The following IGSF21 variants were observed in gnomAD, a reference collection of about 807,000 sequenced individuals.
IGSF21 encodes immunoglobulin superfamily member 21.
In IGSF21, 28 loss-of-function variants were observed where a neutral mutation model predicts 46.8. The observed-to-expected ratio is 0.60, with a 90% confidence interval of 0.44 to 0.82. The LOEUF (loss-of-function observed/expected upper bound fraction) is 0.82, where lower values mean the gene tolerates loss of function less well. Among genes scored for constraint, IGSF21 ranks in the 40% least tolerant of loss-of-function variants. The pLI is 0.00. For missense variants in IGSF21, 624 were observed against 665.5 expected (o/e 0.94, Z 0.69); for synonymous variants, 284 against 273.6 (o/e 1.04, Z -0.38).
At chr1:18,128,457 G>A (rs1228564291) in intron 1 of IGSF21, among the ~76,000 whole-genome samples, 1 of 152,166 alleles carries the variant, frequency 6.6e-6, no homozygotes, top group Non-Finnish European at 1.5e-5. Flanking sequence ...TTCCTTCCCT[G>A]GATGGGGCCT....
chr1:18,231,257 C>T (rs2084623472), intron 2 of IGSF21, among the ~76,000 whole-genome samples: 1 of 152,202 alleles, frequency 6.6e-6, no homozygotes, highest in Non-Finnish European at 1.5e-5. Flanking sequence ...TGTCAGAAAA[C>T]ATCATGAATG....
At position 18,343,342 on chromosome 1, in the gene IGSF21, G is replaced by A. The variant is rs545183746; in HGVS notation, c.424+8332G>A. On this transcript the variant is annotated intron_variant, in intron 4 of 9. Coordinates refer to ENST00000251296, the MANE Select transcript of IGSF21 (RefSeq NM_032880.5). ...TAAGAGTTCTCTATCTGACCTACAT[G>A]TAAGTCCCTTATCAGGTGTATCATC... is the stretch of plus-strand genomic sequence containing the variant. Among the ~76,000 whole-genome samples the A allele has an allele frequency of 6.6e-5, 10 of 152,276 alleles. No individual in the cohort carries two copies. In the South Asian group the frequency reaches 1.2e-3, roughly 19 times the overall value.
Position 18,180,563 on chromosome 1 carries a change from G to A in IGSF21, c.71-47335G>A, listed in dbSNP as rs769103124. 3.1e-4 allele frequency among the ~76,000 whole-genome samples: 47 copies of A among 152,328 alleles called. 1 individual carries two copies. Among genetic ancestry groups the A allele is most frequent in the Middle Eastern group, 3.4e-3 (1 of 294 alleles). ...GTTTGAGCAAAAAAGTGGTTTGGAA[G>A]GCGCAGTTATGGAAGGATGAGGGAA... is the stretch of plus-strand genomic sequence containing the variant. On this transcript the variant is annotated intron_variant, in intron 1 of 9. Coordinates refer to ENST00000251296, the MANE Select transcript of IGSF21 (RefSeq NM_032880.5).
rs201533400 is a variant in IGSF21, at chr1:18,376,804, A to G, written c.1106A>G (p.Glu369Gly). The G allele has an allele frequency of 1.9e-4, 304 of 1,587,870 alleles. No individual in the cohort carries two copies. The highest frequency in any genetic ancestry group is 2.4e-4 in the Non-Finnish European group (277 of 1,161,796). ...CTCCCCTGATCTGGCCAACAGAACG[A>G]AGTCTTCCCGGAGCCCATGTTCACG... The part of the protein sequence containing the change: ...VRILVHGFQN[E>G]VFPEPMFTWT... Residue 369 changes from glutamate to glycine, a missense_variant, in exon 8 of 10, where the codon GAA becomes GGA. Physicochemically the swap from Glu to Gly is moderately conservative, Grantham distance 98 (BLOSUM62 -2). Coordinates refer to ENST00000251296, the MANE Select transcript of IGSF21 (RefSeq NM_032880.5).
At chr1:18,144,864 C>T (rs1301027350) in intron 1 of IGSF21, among the ~76,000 whole-genome samples, 4 of 152,114 alleles carry the variant, frequency 2.6e-5, no homozygotes. Flanking sequence ...TCTATTTCCC[C>T]ATTTGCCACA....
At chr1:18,232,690 C>A (rs1461038815) in intron 2 of IGSF21, among the ~76,000 whole-genome samples, 1 of 152,174 alleles carries the variant, frequency 6.6e-6, no homozygotes, top group Non-Finnish European at 1.5e-5. Flanking sequence ...TGCCCCTGGA[C>A]CATGACTATC....
chr1:18,362,337 G>T, intron 5 of IGSF21, 107 bp downstream of exon 5: 1 of 788,758 alleles, frequency 1.3e-6, no homozygotes. Context: ...GGAGTGGTTG[G>T]CCAGGGCTGA....
At chr1:18,318,269 T>C (rs1013901881) in intron 3 of IGSF21, among the ~76,000 whole-genome samples, 3 of 152,136 alleles carry the variant, frequency 2.0e-5, no homozygotes, top group African/African-American at 7.2e-5. Context: ...GTTATTTCCT[T>C]CCTTATTCTC....
intron 1 of IGSF21, among the ~76,000 whole-genome samples, chr1:18,171,164 A>C (rs1336145466): frequency 6.6e-6 from 1 of 152,112 alleles, no homozygotes; most frequent in Non-Finnish European, 1.5e-5. Flanking sequence ...GTAAGCCCTC[A>C]AGATGCCTTC....
At chr1:18,162,829 C>T (rs2086640031) in intron 1 of IGSF21, among the ~76,000 whole-genome samples, 2 of 152,120 alleles carry the variant, frequency 1.3e-5, no homozygotes, top group Non-Finnish European at 2.9e-5. Flanking sequence ...ACCGTATTCA[C>T]CCTCTAAACC....
chr1:18,184,670 T>A lies in IGSF21; in HGVS notation c.71-43228T>A, dbSNP rs528544418. On this transcript the variant is annotated intron_variant, in intron 1 of 9. Transcript: ENST00000251296. ...ACCAACAAAACAACCCAAGCTTTTG[T>A]GGGTATCCTGCCTCTTTACCTGTGT... 5.9e-5 allele frequency among the ~76,000 whole-genome samples: 9 copies of A among 152,198 alleles called. No individual in the cohort carries two copies. The South Asian group carries it at 1.9e-3, about 32-fold the overall frequency.
chr1:18,294,889 G>A (rs535598378), intron 3 of IGSF21, among the ~76,000 whole-genome samples: 17 of 152,376 alleles, frequency 1.1e-4, no homozygotes, highest in Admixed American at 6.5e-4. Context: ...CAGGGCTGGC[G>A]ACGGGGCGCG....
intron 1 of IGSF21, among the ~76,000 whole-genome samples, chr1:18,196,134 G>C (rs1324394886): frequency 6.6e-6 from 1 of 152,176 alleles, no homozygotes; most frequent in Non-Finnish European, 1.5e-5. Context: ...TTGACAGTAG[G>C]GTTGAGGAGG....
At chr1:18,307,805 T>C (rs577797965) in intron 3 of IGSF21, among the ~76,000 whole-genome samples, 36 of 152,290 alleles carry the variant, frequency 2.4e-4, no homozygotes, top group African/African-American at 7.5e-4. Flanking sequence ...TAAGCTGCGG[T>C]GAGGGCTGTA....
intron 1 of IGSF21, among the ~76,000 whole-genome samples, chr1:18,167,222 C>A (rs1305097622): frequency 6.6e-6 from 1 of 152,172 alleles, no homozygotes; most frequent in Non-Finnish European, 1.5e-5. Context: ...AGCAAGAGTG[C>A]TGGATGATCA....
At chr1:18,287,276 G>A (rs1171103420) in intron 2 of IGSF21, among the ~76,000 whole-genome samples, 2 of 151,838 alleles carry the variant, frequency 1.3e-5, no homozygotes, top group African/African-American at 4.8e-5. Context: ...GGTGCCTGTA[G>A]TCTCAACTAC....
chr1:18,242,035 G>A (rs2084734586), intron 2 of IGSF21, among the ~76,000 whole-genome samples: 1 of 152,144 alleles, frequency 6.6e-6, no homozygotes, highest in East Asian at 1.9e-4. Context: ...TTCTGGACAT[G>A]GCTGCTTCAG....
chr1:18,279,134 C>T (rs957660885), intron 2 of IGSF21, among the ~76,000 whole-genome samples: 1 of 152,184 alleles, frequency 6.6e-6, no homozygotes, highest in African/African-American at 2.4e-5. Context: ...TCTAAGCAAG[C>T]GGGGCCCCAC....
At position 18,365,101 on chromosome 1, in the gene IGSF21, ACTGTCTAGACTACTATGCT is replaced by A; in HGVS notation, c.541-118_541-100del. ...AAGGGAAAAGAGTGGGGTGAGGGCT[ACTGTCTAGACTACTATGCT>A]CTGGAAGAACTGGCATCCTGTGCCC... On this transcript the variant is annotated intron_variant, in intron 5 of 9. Transcript: ENST00000251296. This position sits in a 1 kb window ranked among gnomAD's most constrained non-coding sequence, Gnocchi z 4.8. 1.4e-6 allele frequency: 1 copy of A among 719,118 alleles called. No homozygotes were observed. The allele number at this position is 719,118 out of a possible 1,614,324, so 44.5% of individuals were successfully genotyped here. A position where few individuals can be genotyped will look rare whatever the true frequency, so the allele number is the denominator to read the frequency against.
Sources: gnomAD v4.1 joint callset for allele counts (sites outside exome capture counted in the v4.1 genomes callset) on GRCh38, gnomAD v4.1.1 for gene constraint, Gnocchi (gnomAD v3.1) non-coding constraint, MANE v1.5 for transcripts, NCBI Gene and HGNC (gene_info 2026-07-23, HGNC 2026-07-21) for gene names.